Variants in NRXN3 observed in about 807,000 individuals in gnomAD.
NRXN3 encodes neurexin III.
A neutral mutation model predicts 137.6 loss-of-function variants in NRXN3; 32 were observed. That is an observed-to-expected ratio of 0.23 (90% CI 0.18 to 0.31). The LOEUF is 0.31. NRXN3 is among the 10% of genes least tolerant of loss of function. NRXN3 has a pLI of 1.00. For synonymous variants in NRXN3, 798 were observed against 784.5 expected, an observed-to-expected ratio of 1.02 and a Z score of -0.29; for missense variants, 1,574 against 2,062.5, an observed-to-expected ratio of 0.76 and a Z score of 4.59.
At chr14:79,306,395 G>A (rs2086073539) in intron 15 of NRXN3, among the ~76,000 whole-genome samples, 1 of 151,940 alleles carries the variant, frequency 6.6e-6, no homozygotes, top group African/African-American at 2.4e-5. Flanking sequence ...TCCACATCCA[G>A]CACTCTGTGT....
At chr14:78,659,983 G>C (rs960225973) in intron 6 of NRXN3, among the ~76,000 whole-genome samples, 1 of 152,100 alleles carries the variant, frequency 6.6e-6, no homozygotes, top group African/African-American at 2.4e-5. Context: ...CAGAGGCACA[G>C]AGGAAGAAGG....
intron 16 of NRXN3, among the ~76,000 whole-genome samples, chr14:79,560,504 C>CGTTTTTTTTTTT (rs2097481849): frequency 2.3e-5 from 1 of 43,770 alleles, no homozygotes; most frequent in Non-Finnish European, 4.0e-5. Flanking sequence ...AGATTGTAAG[C>CGTTTTTTTTTTT]TTTTTTTTTT....
intron 1 of NRXN3, among the ~76,000 whole-genome samples, chr14:78,212,007 G>A (rs1167328348): frequency 6.6e-6 from 1 of 152,204 alleles, no homozygotes; most frequent in African/African-American, 2.4e-5. Flanking sequence ...TTCTTGGCTA[G>A]CAAATGGAGC....
intron 19 of NRXN3, among the ~76,000 whole-genome samples, chr14:79,783,189 A>T (rs532575960): frequency 7.2e-5 from 11 of 152,244 alleles, no homozygotes; most frequent in Non-Finnish European, 1.5e-5. Flanking sequence ...ATAGCTTGGC[A>T]TGTGTCTTGT....
intron 4 of NRXN3, among the ~76,000 whole-genome samples, chr14:78,390,902 A>G (rs1195194628): frequency 6.6e-6 from 1 of 152,184 alleles, no homozygotes; most frequent in East Asian, 1.9e-4. Context: ...TAAGCCCAGC[A>G]TGCATTAGCT....
At chr14:79,271,065 G>A (rs1034493883) in intron 15 of NRXN3, among the ~76,000 whole-genome samples, 1 of 152,152 alleles carries the variant, frequency 6.6e-6, no homozygotes, top group Non-Finnish European at 1.5e-5. Context: ...TTTTAGATCT[G>A]TATCTATCTT....
chr14:79,596,073 A>AC (rs1355619187), intron 16 of NRXN3, among the ~76,000 whole-genome samples: 1 of 150,278 alleles, frequency 6.7e-6, no homozygotes, highest in Non-Finnish European at 1.5e-5. Flanking sequence ...GTCTTTTATG[A>AC]CATTCTTTAA....
At chr14:79,187,047 A>AT (rs1392355380) in intron 15 of NRXN3, among the ~76,000 whole-genome samples, 2 of 152,202 alleles carry the variant, frequency 1.3e-5, no homozygotes, top group African/African-American at 4.8e-5. Context: ...CCTTCTTACC[A>AT]TTTTTCTGCT....
At chr14:79,458,757 A>C (rs2096288610) in intron 15 of NRXN3, among the ~76,000 whole-genome samples, 1 of 152,168 alleles carries the variant, frequency 6.6e-6, no homozygotes, top group African/African-American at 2.4e-5. Flanking sequence ...GCTGTGAGTT[A>C]ATTTCTCACA....
chr14:79,196,217 T>G (rs966986720), intron 15 of NRXN3, among the ~76,000 whole-genome samples: 2 of 152,192 alleles, frequency 1.3e-5, no homozygotes, highest in Non-Finnish European at 2.9e-5. Context: ...TATGTGTTTT[T>G]CACAGGCATC....
rs144713585 is a variant in NRXN3 at position 78,291,125 on chromosome 14, C to A, written c.728-6706C>A. On this transcript the variant is annotated intron_variant, in intron 3 of 20. Transcript: ENST00000335750. ...TGCTTCTGGATTCTCTGAGATATGT[C>A]TCCTTTCTTCTCCATTAGCACTGAA... is the stretch of plus-strand genomic sequence containing the variant. 2.6e-3 allele frequency among the ~76,000 whole-genome samples: 390 copies of A among 152,250 alleles called. 1 individual carries two copies. The highest frequency in any genetic ancestry group is 8.9e-3 in the African/African-American group (368 of 41,538).
chr14:79,628,047 T>C (rs1459868672), intron 16 of NRXN3, among the ~76,000 whole-genome samples: 1 of 152,192 alleles, frequency 6.6e-6, no homozygotes, highest in African/African-American at 2.4e-5. Context: ...AATCAATCTA[T>C]TAATAAAAAG....
intron 10 of NRXN3, among the ~76,000 whole-genome samples, chr14:78,861,251 G>A (rs1442498038): frequency 3.3e-5 from 5 of 152,192 alleles, no homozygotes; most frequent in Non-Finnish European, 2.9e-5. Context: ...TATAGGCTTT[G>A]TTATTCTGAA....
At chr14:79,549,496 T>A (rs144370775) in intron 16 of NRXN3, among the ~76,000 whole-genome samples, 2 of 152,280 alleles carry the variant, frequency 1.3e-5, no homozygotes, top group East Asian at 3.9e-4. Flanking sequence ...TTCCTTCCTT[T>A]CACCAAAACA....
chr14:79,851,741 G>A (rs1343914544), intron 20 of NRXN3, among the ~76,000 whole-genome samples: 1 of 152,120 alleles, frequency 6.6e-6, no homozygotes, highest in African/African-American at 2.4e-5. Flanking sequence ...ATCTCTTCCA[G>A]TGGAGGCTGA....
chr14:78,997,331 C>T (rs915954840), intron 15 of NRXN3, among the ~76,000 whole-genome samples: 8 of 152,306 alleles, frequency 5.3e-5, no homozygotes, highest in Middle Eastern at 3.4e-3. Flanking sequence ...TATTTGTAGA[C>T]CATTTTCATT....
intron 16 of NRXN3, among the ~76,000 whole-genome samples, chr14:79,473,671 A>C (rs2096534589): frequency 6.6e-6 from 1 of 152,202 alleles, no homozygotes; most frequent in African/African-American, 2.4e-5. Flanking sequence ...CAACAGAGGT[A>C]TCCAACAGAT....
At chr14:79,221,669 T>C (rs1403782532) in intron 15 of NRXN3, among the ~76,000 whole-genome samples, 1 of 152,182 alleles carries the variant, frequency 6.6e-6, no homozygotes, top group African/African-American at 2.4e-5. Context: ...ATCAGATGGA[T>C]AGATTGCAAA....
intron 15 of NRXN3, among the ~76,000 whole-genome samples, chr14:79,314,304 G>A (rs1277234996): frequency 4.6e-5 from 5 of 107,528 alleles, no homozygotes; most frequent in East Asian, 2.8e-4. Flanking sequence ...AAGGGGTGAC[G>A]GACGCACCTG....
Sources: gnomAD v4.1 joint callset for allele counts (sites outside exome capture counted in the v4.1 genomes callset) on GRCh38, gnomAD v4.1.1 for gene constraint, MANE v1.5 for transcripts, NCBI Gene and HGNC (gene_info 2026-07-23, HGNC 2026-07-21) for gene names.